ZNF585A: variants seen among roughly 807,000 people sequenced by gnomAD.
The protein encoded by ZNF585A is zinc finger protein 585A.
ZNF585A carries 9 observed loss-of-function variants against 14.9 expected under a neutral mutation model. The ratio of observed to expected loss-of-function variants is 0.60; its 90% CI spans 0.36 to 1.05. The LOEUF is 1.05. Among genes scored for constraint, ZNF585A ranks in the 50% least tolerant of loss-of-function variants. ZNF585A has a pLI of 0.01. For missense variants in ZNF585A, 726 were observed against 926.4 expected (o/e 0.78, Z 2.81); for synonymous variants, 276 against 319.9 (o/e 0.86, Z 1.46).
chr19:37,157,962 C>T (rs1205950741), intron 2 of ZNF585A, among the ~76,000 whole-genome samples: 1 of 150,992 alleles, frequency 6.6e-6, no homozygotes, highest in East Asian at 2.0e-4. Flanking sequence ...GATCTCGGCT[C>T]ACCGCAACCT....
In ZNF585A at chr19:37,171,962, A is replaced by AGAAG. The variant is rs373111473; in HGVS notation, c.-145+661_-145+664dup. 7.7e-3 allele frequency among the ~76,000 whole-genome samples: 1,177 copies of AGAAG among 152,278 alleles called. 21 individuals are homozygous for AGAAG. Among genetic ancestry groups the AGAAG allele is most frequent in the African/African-American group, 0.027 (1,132 of 41,562 alleles). On this transcript the variant is annotated intron_variant, in intron 1 of 4. Transcript: ENST00000292841. ...AATTTCACATATATAAAGCAGAAAA[A>AGAAG]GAAGGACAAATGGACAAATAACCTT... is the stretch of plus-strand genomic sequence containing the variant.
rs1372010540 is a variant in ZNF585A at position 37,146,816 on chromosome 19, TGTATGTAG to T, written c.*4765_*4772del. 1 of 152,092 alleles carries T rather than the reference TGTATGTAG, an allele frequency of 6.6e-6. No homozygotes were observed. The highest frequency in any genetic ancestry group is 1.5e-5 in the Non-Finnish European group (1 of 68,126). The allele number at this position is 152,092 out of a possible 1,614,324, so 9.4% of individuals were successfully genotyped here. ...GTTAGATCTTGTAAACAGTGTGGAA[TGTATGTAG>T]GTAGGATACTCAGTTTGGTACTGCC... On this transcript the variant is annotated 3_prime_UTR_variant, in exon 5 of 5. Transcript: ENST00000292841.
At chr19:37,166,231 C>T (rs1972088591) in intron 2 of ZNF585A, among the ~76,000 whole-genome samples, 1 of 151,724 alleles carries the variant, frequency 6.6e-6, no homozygotes, top group African/African-American at 2.4e-5. Flanking sequence ...CTAGACTGGT[C>T]TTGAACTCTT....
At position 37,150,932 on chromosome 19, in the gene ZNF585A, T is replaced by C. The variant is rs1034140974; in HGVS notation, c.*657A>G. ...GGCCCGTGAGGCTGAGAGACAGTCA[T>C]GGTAGATAATGAGGGGGGTGCAAGT... is the stretch of plus-strand genomic sequence containing the variant. On this transcript the variant is annotated 3_prime_UTR_variant, in exon 5 of 5. Transcript: ENST00000292841. 1.9e-5 allele frequency: 3 copies of C among 155,708 alleles called. No individual in the cohort carries two copies. Among genetic ancestry groups the C allele is most frequent in the African/African-American group, 7.3e-5 (3 of 41,198 alleles). The allele number at this position is 155,708 out of a possible 1,614,324, so 9.6% of individuals were successfully genotyped here. A position where few individuals can be genotyped will look rare whatever the true frequency, so the allele number is the denominator to read the frequency against.
In ZNF585A at chr19:37,151,153, G is replaced by A. The variant is rs1599745209; in HGVS notation, c.*436C>T. On this transcript the variant is annotated 3_prime_UTR_variant, in exon 5 of 5. Transcript: ENST00000292841. ...TCTGTTACACAATGTGTTCCACAACGAACAACTCACATAACTTAGGATTCA... is the reference window on the plus strand; with the variant it reads ...TCTGTTACACAATGTGTTCCACAACAAACAACTCACATAACTTAGGATTCA... 6 of 394,864 alleles carry A rather than the reference G, an allele frequency of 1.5e-5. No homozygotes were observed. The highest frequency in any genetic ancestry group is 1.3e-4 in the South Asian group (1 of 7,592). 24.5% of individuals were successfully genotyped at this position (394,864 alleles called of 1,614,324 possible). A position where few individuals can be genotyped will look rare whatever the true frequency, so the allele number is the denominator to read the frequency against.
intron 2 of ZNF585A, 65 bp downstream of exon 2, chr19:37,169,774 G>A: frequency 6.3e-7 from 1 of 1,589,592 alleles, no homozygotes; most frequent in Admixed American, 1.7e-5. Flanking sequence ...TGAGGTTCTA[G>A]TGACAGACCA....
In ZNF585A at chr19:37,151,072, G is replaced by A. The variant is rs1359853004; in HGVS notation, c.*517C>T. ...CTTTCTTGATAGAAATACTGAATGAGGGTTGGATATGACCAACTGTGGTAG... is the reference window on the plus strand; with the variant it reads ...CTTTCTTGATAGAAATACTGAATGAAGGTTGGATATGACCAACTGTGGTAG... On this transcript the variant is annotated 3_prime_UTR_variant, in exon 5 of 5. Coordinates refer to ENST00000292841, the MANE Select transcript of ZNF585A (RefSeq NM_001288800.2). The A allele has an allele frequency of 9.5e-6, 3 of 317,352 alleles. No homozygotes were observed. Among genetic ancestry groups the A allele is most frequent in the African/African-American group, 2.1e-5 (1 of 46,810 alleles). 19.7% of individuals were successfully genotyped at this position (317,352 alleles called of 1,614,324 possible).
At chr19:37,160,859 T>C (rs901281722) in intron 2 of ZNF585A, among the ~76,000 whole-genome samples, 1 of 152,092 alleles carries the variant, frequency 6.6e-6, no homozygotes, top group Non-Finnish European at 1.5e-5. Flanking sequence ...GAATTCTTTT[T>C]TTCTTCTTCT....
At position 37,151,054 on chromosome 19, in the gene ZNF585A, G is replaced by T; in HGVS notation, c.*535C>A. On this transcript the variant is annotated 3_prime_UTR_variant, in exon 5 of 5. Coordinates refer to ENST00000292841, the MANE Select transcript of ZNF585A (RefSeq NM_001288800.2). Reference sequence around the variant, plus strand: ...TTTTTTTTTGTAGCATCTCTTTCTTGATAGAAATACTGAATGAGGGTTGGA... The same window carrying T: ...TTTTTTTTTGTAGCATCTCTTTCTTTATAGAAATACTGAATGAGGGTTGGA... 3.6e-6 allele frequency: 1 copy of T among 275,882 alleles called. No individual in the cohort carries two copies. The highest frequency in any genetic ancestry group is 2.2e-5 in the African/African-American group (1 of 45,554). 17.1% of individuals were successfully genotyped at this position (275,882 alleles called of 1,614,324 possible).
intron 4 of ZNF585A, among the ~76,000 whole-genome samples, chr19:37,153,904 C>A (rs906914876): frequency 2.0e-5 from 3 of 152,144 alleles, no homozygotes; most frequent in African/African-American, 7.2e-5. Context: ...CTATTTGTCA[C>A]CAATCTGTCA....
chr19:37,160,041 T>C (rs2036453496), intron 2 of ZNF585A, among the ~76,000 whole-genome samples: 1 of 151,832 alleles, frequency 6.6e-6, no homozygotes, highest in Non-Finnish European at 1.5e-5. Context: ...CTCAAAAAAC[T>C]AGAAAAAGAG....
At chr19:37,162,125 T>C (rs1972022189) in intron 2 of ZNF585A, among the ~76,000 whole-genome samples, 1 of 152,242 alleles carries the variant, frequency 6.6e-6, no homozygotes, top group Non-Finnish European at 1.5e-5. Flanking sequence ...GGTTTCACCA[T>C]GTTGGCAAGG....
In ZNF585A at chr19:37,152,703, A is replaced by C; in HGVS notation, c.1196T>G (p.Val399Gly). ...KAFTQKSALT[V>G]HQRIHTGEKS... ...TTCTCCTGTATGAATTCTCTGATGC[A>C]CTGTGAGTGCTGACTTCTGAGTGAA... The change falls in exon 5 of 5, where the codon GTG (valine) becomes GGG (glycine). Residue 399 changes from valine (V) to glycine (G), a missense_variant. Around this residue, in one of 2 missense-constraint regions of ZNF585A, gnomAD observed 483 missense variants for 542.8 expected, o/e 0.89. Coordinates refer to ENST00000292841, the MANE Select transcript of ZNF585A (RefSeq NM_001288800.2). 6.2e-6 allele frequency: 10 copies of C among 1,614,032 alleles called. No individual in the cohort carries two copies. Among genetic ancestry groups the C allele is most frequent in the Non-Finnish European group, 8.5e-6 (10 of 1,179,988 alleles).
At chr19:37,163,273 AGAG>A (rs1423000580) in intron 2 of ZNF585A, among the ~76,000 whole-genome samples, 1 of 152,090 alleles carries the variant, frequency 6.6e-6, no homozygotes, top group Non-Finnish European at 1.5e-5. Flanking sequence ...AAAAAAAAAG[AGAG>A]GAGATTAAGA....
intron 2 of ZNF585A, among the ~76,000 whole-genome samples, chr19:37,165,990 C>T (rs539667159): frequency 2.6e-5 from 4 of 152,076 alleles, no homozygotes; most frequent in Admixed American, 1.3e-4. Flanking sequence ...ATCTTAGGTA[C>T]GGAACTAACT....
intron 2 of ZNF585A, among the ~76,000 whole-genome samples, chr19:37,159,223 G>A (rs779166596): frequency 9.6e-5 from 13 of 134,864 alleles, no homozygotes; most frequent in South Asian, 4.6e-4. Context: ...CACTCCAGCC[G>A]AGGCAACAGA....
At chr19:37,159,756 T>G (rs1387559289) in intron 2 of ZNF585A, among the ~76,000 whole-genome samples, 1 of 151,586 alleles carries the variant, frequency 6.6e-6, no homozygotes, top group Non-Finnish European at 1.5e-5. Context: ...AGACAAAATC[T>G]CCAAGCAAAT....
intron 1 of ZNF585A, among the ~76,000 whole-genome samples, chr19:37,171,556 A>G (rs995197051): frequency 9.2e-5 from 14 of 152,214 alleles, no homozygotes; most frequent in Non-Finnish European, 2.1e-4. Flanking sequence ...TTGTTGGTAT[A>G]AGCTTGAATT....
Position 37,156,361 on chromosome 19 carries a change from A to C in ZNF585A, c.73-6T>G, listed in dbSNP as rs1188966785. 1 of 1,614,174 alleles carries C rather than the reference A, an allele frequency of 6.2e-7. No individual in the cohort carries two copies. Among genetic ancestry groups the C allele is most frequent in the Admixed American group, 1.7e-5 (1 of 60,018 alleles). On this transcript the variant is annotated splice_polypyrimidine_tract_variant and splice_region_variant and intron_variant, in intron 2 of 4. Coordinates refer to ENST00000292841, the MANE Select transcript of ZNF585A (RefSeq NM_001288800.2). ...TCCCTGAAGGACACTGATCCCTGTAAGGGCAAATTCTTGTTCAATGTGCAC... is the reference window on the plus strand; with the variant it reads ...TCCCTGAAGGACACTGATCCCTGTACGGGCAAATTCTTGTTCAATGTGCAC...
Sources: allele counts gnomAD v4.1 joint callset (sites outside exome capture counted in the v4.1 genomes callset), GRCh38; gene constraint gnomAD v4.1.1; regional missense constraint gnomAD v4.1.1; transcripts MANE v1.5; gene names NCBI Gene and HGNC (gene_info 2026-07-23, HGNC 2026-07-21).